The following MAF variants were observed in gnomAD, a reference collection of about 807,000 sequenced individuals.
MAF encodes transcription factor Maf.
MAF carries 10 observed loss-of-function variants against 22.0 expected under a neutral mutation model. The ratio of observed to expected loss-of-function variants is 0.45; its 90% CI spans 0.28 to 0.77. The LOEUF is 0.77. MAF is among the 30% of genes least tolerant of loss of function. The pLI is 0.12. For synonymous variants in MAF, 337 were observed against 255.8 expected, an observed-to-expected ratio of 1.32 and a Z score of -3.03; for missense variants, 544 against 548.4, an observed-to-expected ratio of 0.99 and a Z score of 0.08.
chr16:79,501,742 A>G, the MAF span, among the ~76,000 whole-genome samples: 2 of 152,318 alleles, frequency 1.3e-5, no homozygotes, highest in Non-Finnish European at 2.9e-5. Context: ...CCTCACCTAG[A>G]AAAGCTGACT....
At chr16:79,393,219 A>G in the MAF span, among the ~76,000 whole-genome samples, 22 of 152,302 alleles carry the variant, frequency 1.4e-4, no homozygotes, top group Admixed American at 7.2e-4. Flanking sequence ...TGCAGATGGG[A>G]ACAAACAAAG....
the MAF span, among the ~76,000 whole-genome samples, chr16:79,559,709 G>A: frequency 6.6e-6 from 1 of 152,026 alleles, no homozygotes; most frequent in East Asian, 1.9e-4. Context: ...AATTGGAGAA[G>A]CCAACGGAAA....
the MAF span, among the ~76,000 whole-genome samples, chr16:79,308,130 A>G: frequency 6.6e-6 from 1 of 152,346 alleles, no homozygotes; most frequent in East Asian, 1.9e-4. Context: ...GAAGACCCAC[A>G]GCCCTGCTGA....
the MAF span, among the ~76,000 whole-genome samples, chr16:79,508,074 G>C: frequency 6.6e-6 from 1 of 152,162 alleles, no homozygotes; most frequent in Non-Finnish European, 1.5e-5. Context: ...AGGGATGGAA[G>C]AAGAGTCTCC....
chr16:79,522,698 C>T, the MAF span, among the ~76,000 whole-genome samples: 1 of 152,146 alleles, frequency 6.6e-6, no homozygotes, highest in Non-Finnish European at 1.5e-5. Flanking sequence ...CAGAGAAGCC[C>T]ATGATTAAAT....
chr16:79,497,829 G>A, the MAF span, among the ~76,000 whole-genome samples: 1 of 152,360 alleles, frequency 6.6e-6, no homozygotes, highest in Admixed American at 6.5e-5. Flanking sequence ...AGCTCAGACT[G>A]TGGTGGATAC....
the MAF span, among the ~76,000 whole-genome samples, chr16:79,347,855 G>C: frequency 5.5e-3 from 835 of 152,260 alleles, 9 homozygotes; most frequent in African/African-American, 0.019. Context: ...TCCCAGGCGA[G>C]AACAGTGGGT....
chr16:79,314,978 G>T, the MAF span, among the ~76,000 whole-genome samples: 3 of 152,234 alleles, frequency 2.0e-5, no homozygotes, highest in Non-Finnish European at 4.4e-5. Flanking sequence ...TTGTTCCTCT[G>T]CAGTATTGAG....
At chr16:79,214,906 G>T in the MAF span, among the ~76,000 whole-genome samples, 2 of 147,422 alleles carry the variant, frequency 1.4e-5, no homozygotes, top group Non-Finnish European at 3.0e-5. Context: ...AGATGGGTTT[G>T]ACCATGTTGG....
At chr16:79,438,141 G>T in the MAF span, among the ~76,000 whole-genome samples, 1 of 152,100 alleles carries the variant, frequency 6.6e-6, no homozygotes, top group Admixed American at 6.5e-5. Flanking sequence ...GAGAGTGGGG[G>T]CAGGAGGTTC....
the MAF span, among the ~76,000 whole-genome samples, chr16:79,540,679 G>A: frequency 2.6e-3 from 397 of 152,296 alleles, no homozygotes; most frequent in Non-Finnish European, 3.8e-3. Context: ...ACCTTGTGAA[G>A]GTCTAATGAG....
chr16:79,212,131 C>G, the MAF span: 4 of 1,529,142 alleles, frequency 2.6e-6, no homozygotes, highest in South Asian at 2.4e-5. Flanking sequence ...ATAGAATAGC[C>G]TGAGGTCCCC....
the MAF span, among the ~76,000 whole-genome samples, chr16:79,240,084 G>C: frequency 6.6e-6 from 1 of 151,840 alleles, no homozygotes; most frequent in Non-Finnish European, 1.5e-5. Context: ...TCAAAGGGCT[G>C]GGCAATGCAA....
chr16:79,511,234 G>C, the MAF span, among the ~76,000 whole-genome samples: 1 of 151,624 alleles, frequency 6.6e-6, no homozygotes, highest in African/African-American at 2.4e-5. Context: ...CCCCGAAAAG[G>C]AGTTTCCTTT....
chr16:79,473,433 T>C, the MAF span, among the ~76,000 whole-genome samples: 1 of 152,194 alleles, frequency 6.6e-6, no homozygotes, highest in South Asian at 2.1e-4. Flanking sequence ...AAGGACACAA[T>C]CATAGCCTCT....
chr16:79,332,729 G>A, the MAF span, among the ~76,000 whole-genome samples: 4 of 152,356 alleles, frequency 2.6e-5, no homozygotes, highest in Non-Finnish European at 5.9e-5. Flanking sequence ...TCCTTTGATG[G>A]AGGAGTAAAC....
the MAF span, among the ~76,000 whole-genome samples, chr16:79,401,772 G>C: frequency 6.6e-6 from 1 of 152,180 alleles, no homozygotes; most frequent in African/African-American, 2.4e-5. Flanking sequence ...ATACAAGAAA[G>C]GGAAGACAGA....
downstream of MAF, among the ~76,000 whole-genome samples, chr16:79,592,060 G>A (rs1336388009): frequency 6.6e-6 from 1 of 152,198 alleles, no homozygotes; most frequent in Non-Finnish European, 1.5e-5. Context: ...ATTCAGACTG[G>A]TAACAGGGAT....
chr16:79,433,251 T>G, the MAF span, among the ~76,000 whole-genome samples: 5 of 136,764 alleles, frequency 3.7e-5, no homozygotes, highest in Non-Finnish European at 7.8e-5. Flanking sequence ...AAATACATAA[T>G]GTAAGATAAG....
Sources: allele counts gnomAD v4.1 joint callset (sites outside exome capture counted in the v4.1 genomes callset), GRCh38; gene constraint gnomAD v4.1.1; transcripts MANE v1.5; gene names NCBI Gene and HGNC (gene_info 2026-07-23, HGNC 2026-07-21).